Variants in LAMA2 observed in about 807,000 individuals in gnomAD.
LAMA2 encodes laminin subunit alpha 2.
In LAMA2, 269 loss-of-function variants were observed where a neutral mutation model predicts 364.8. The ratio of observed to expected loss-of-function variants is 0.74; its 90% CI spans 0.67 to 0.82. The LOEUF (loss-of-function observed/expected upper bound fraction) is 0.82, where lower values mean the gene tolerates loss of function less well. Ranked by LOEUF, LAMA2 falls within the 40% of genes least tolerant of loss-of-function variation. The probability of loss-of-function intolerance (pLI) is 0.00; values close to 1 mark genes in which losing one functional copy is unlikely to be tolerated. For missense variants in LAMA2, 3,807 were observed against 3,873.2 expected, an observed-to-expected ratio of 0.98 and a Z score of 0.45; for synonymous variants, 1,379 against 1,370.6, an observed-to-expected ratio of 1.01 and a Z score of -0.14.
In LAMA2 at chr6:129,506,871, T is replaced by G. The variant is rs188221931; in HGVS notation, c.8704-618T>G. 1.7e-3 allele frequency among the ~76,000 whole-genome samples: 263 copies of G among 152,308 alleles called. 1 individual carries two copies. Among genetic ancestry groups the G allele is most frequent in the Middle Eastern group, 0.014 (4 of 294 alleles). ...AAAACTAAAGTCTCTGAAGTGACAC[T>G]GGTACAAGCAATTCACTTGAATTTC... On this transcript the variant is annotated intron_variant, in intron 61 of 64. Transcript: ENST00000421865.
At chr6:129,406,246 A>G (rs191355311) in intron 40 of LAMA2, among the ~76,000 whole-genome samples, 1 of 152,332 alleles carries the variant, frequency 6.6e-6, no homozygotes, top group Non-Finnish European at 1.5e-5. Context: ...AAAGGAAAAT[A>G]TGAGTGAGAA....
intron 11 of LAMA2, among the ~76,000 whole-genome samples, chr6:129,191,501 A>G (rs1289703885): frequency 1.3e-5 from 2 of 152,212 alleles, no homozygotes; most frequent in African/African-American, 4.8e-5. Flanking sequence ...TCAAAGTTTC[A>G]TAGCCAGCCA....
In LAMA2 at chr6:129,103,335, A is replaced by G. The variant is rs148438417; in HGVS notation, c.639+4920A>G. On this transcript the variant is annotated intron_variant, in intron 4 of 64. Transcript: ENST00000421865. ...TATGTTAAGTTTACACACATGTATGAAGATTATAGAGAATCCTCACATTCC... is the reference window on the plus strand; with the variant it reads ...TATGTTAAGTTTACACACATGTATGGAGATTATAGAGAATCCTCACATTCC... Among the ~76,000 whole-genome samples, 502 of 152,326 alleles carry G rather than the reference A, an allele frequency of 3.3e-3. 2 individuals carry two copies. Among genetic ancestry groups the G allele is most frequent in the African/African-American group, 0.012 (487 of 41,564 alleles).
intron 1 of LAMA2, among the ~76,000 whole-genome samples, chr6:128,903,321 G>A (rs933718232): frequency 3.3e-5 from 5 of 152,034 alleles, no homozygotes; most frequent in South Asian, 2.1e-4. Context: ...TTCCAGAATC[G>A]TTGACATTTA....
intron 1 of LAMA2, among the ~76,000 whole-genome samples, chr6:128,911,017 G>A (rs1028534780): frequency 7.3e-5 from 11 of 151,300 alleles, no homozygotes; most frequent in Non-Finnish European, 1.2e-4. Flanking sequence ...GCTGCGTACT[G>A]GGAGAACCAC....
intron 1 of LAMA2, among the ~76,000 whole-genome samples, chr6:129,034,677 C>G (rs900205606): frequency 7.9e-5 from 12 of 152,032 alleles, no homozygotes; most frequent in African/African-American, 2.7e-4. Context: ...ATCTTTGTTT[C>G]CATGTGTATC....
At position 129,134,202 on chromosome 6, in the gene LAMA2, G is replaced by A. The variant is rs114519688; in HGVS notation, c.640-9699G>A. Among the ~76,000 whole-genome samples the A allele has an allele frequency of 3.0e-3, 458 of 152,202 alleles. 3 individuals are homozygous for A. Among genetic ancestry groups the A allele is most frequent in the African/African-American group, 0.01 (435 of 41,538 alleles). ...ACTCTCAGTTACTTTGTTTTCTATCGGAACTTTCTCTAGCAGCTCTCCACA... is the reference window on the plus strand; with the variant it reads ...ACTCTCAGTTACTTTGTTTTCTATCAGAACTTTCTCTAGCAGCTCTCCACA... On this transcript the variant is annotated intron_variant, in intron 4 of 64. Coordinates refer to ENST00000421865, the MANE Select transcript of LAMA2 (RefSeq NM_000426.4).
intron 8 of LAMA2, among the ~76,000 whole-genome samples, chr6:129,164,974 T>A (rs1158130761): frequency 1.3e-5 from 2 of 152,154 alleles, no homozygotes; most frequent in Non-Finnish European, 2.9e-5. Context: ...AACTTCATAA[T>A]GGGGGAATGA....
intron 22 of LAMA2, among the ~76,000 whole-genome samples, chr6:129,306,925 A>C (rs898518562): frequency 2.0e-5 from 3 of 151,964 alleles, no homozygotes; most frequent in Admixed American, 1.3e-4. Flanking sequence ...CATCTTTTTT[A>C]TTGCAGGACT....
At chr6:129,166,915 G>A (rs143585181) in intron 9 of LAMA2, among the ~76,000 whole-genome samples, 418 of 152,098 alleles carry the variant, frequency 2.7e-3, no homozygotes, top group African/African-American at 9.8e-3. Flanking sequence ...TTATATGGTC[G>A]TGCCATAATT....
intron 4 of LAMA2, among the ~76,000 whole-genome samples, chr6:129,115,992 T>A (rs1235472766): frequency 1.3e-5 from 2 of 152,120 alleles, no homozygotes; most frequent in Non-Finnish European, 2.9e-5. Context: ...AATTAGCAAT[T>A]TGGGATTTGC....
At chr6:129,005,128 C>T (rs1784363398) in intron 1 of LAMA2, among the ~76,000 whole-genome samples, 1 of 150,754 alleles carries the variant, frequency 6.6e-6, no homozygotes, top group South Asian at 2.1e-4. Flanking sequence ...TTACTGTCCT[C>T]TTTTTTTTTC....
At position 129,440,870 on chromosome 6, in the gene LAMA2, C is replaced by T. The variant is rs112487709; in HGVS notation, c.6140C>T (p.Thr2047Ile). ...GACAAAGCCAGACAAGCCAACGACACAGCTAAAGATGTACTGGCACAGATT... is the reference window on the plus strand; with the variant it reads ...GACAAAGCCAGACAAGCCAACGACATAGCTAAAGATGTACTGGCACAGATT... ...VKDKARQAND[T>I]AKDVLAQITE... The change falls in exon 43 of 65, where the codon ACA becomes ATA. Residue 2047 changes from threonine (T) to isoleucine (I), a missense_variant. Physicochemically the swap from Thr to Ile is moderately conservative, Grantham distance 89. Around this residue, in one of 3 missense-constraint regions of LAMA2, gnomAD observed 3,333 missense variants for 3,345.7 expected, o/e 1.00. Transcript: ENST00000421865. 6.2e-7 allele frequency: 1 copy of T among 1,613,958 alleles called. No homozygotes were observed. Among genetic ancestry groups the T allele is most frequent in the Non-Finnish European group, 8.5e-7 (1 of 1,179,880 alleles).
chr6:128,968,490 G>C (rs1418000120), intron 1 of LAMA2, among the ~76,000 whole-genome samples: 1 of 152,180 alleles, frequency 6.6e-6, no homozygotes, highest in African/African-American at 2.4e-5. Context: ...CTAAGGATGG[G>C]AAGAAATGAA....
intron 14 of LAMA2, among the ~76,000 whole-genome samples, chr6:129,255,632 C>A: frequency 6.6e-6 from 1 of 151,954 alleles, no homozygotes; most frequent in South Asian, 2.1e-4. Context: ...AATACAGAAT[C>A]TTTTCAAGGC....
At chr6:129,103,678 A>T (rs1312578664) in intron 4 of LAMA2, among the ~76,000 whole-genome samples, 1 of 152,120 alleles carries the variant, frequency 6.6e-6, no homozygotes, top group African/African-American at 2.4e-5. Context: ...GATTTTGGGA[A>T]CCAATACTAC....
intron 1 of LAMA2, among the ~76,000 whole-genome samples, chr6:128,986,126 G>A (rs747984525): frequency 1.3e-5 from 2 of 151,864 alleles, no homozygotes; most frequent in African/African-American, 4.8e-5. Context: ...GATATGTTTC[G>A]ATTCATTGCA....
rs748820968 is a variant in LAMA2, at chr6:129,491,959, C to G, written c.7957C>G (p.Gln2653Glu). The G allele has an allele frequency of 6.2e-7, 1 of 1,613,812 alleles. No individual in the cohort carries two copies. Among genetic ancestry groups the G allele is most frequent in the Non-Finnish European group, 8.5e-7 (1 of 1,179,728 alleles). The change falls in exon 57 of 65, where the codon CAG becomes GAG. Residue 2653 changes from glutamine (Q) to glutamate (E), a missense_variant. Gln to Glu is a conservative substitution (Grantham distance 29, BLOSUM62 2). Transcript: ENST00000421865. ...RRYMQNLTVE[Q>E]PIEVKKLFVG... is the part of the protein sequence containing the mutation. Reference sequence around the variant, plus strand: ...ATACATGCAAAACCTGACAGTTGAACAGCCTATCGAAGTTAAAAAGCTTTT... The same window carrying G: ...ATACATGCAAAACCTGACAGTTGAAGAGCCTATCGAAGTTAAAAAGCTTTT...
At chr6:128,895,355 GGGCGCGGTGGC>G (rs768088216) in intron 1 of LAMA2, among the ~76,000 whole-genome samples, 6 of 151,864 alleles carry the variant, frequency 4.0e-5, no homozygotes, top group Non-Finnish European at 7.4e-5. Context: ...ACTCATGGCG[GGGCGCGGTGGC>G]TCACGCCTGT....
Sources: allele counts gnomAD v4.1 joint callset (sites outside exome capture counted in the v4.1 genomes callset), GRCh38; gene constraint gnomAD v4.1.1; regional missense constraint gnomAD v4.1.1; transcripts MANE v1.5; gene names NCBI Gene and HGNC (gene_info 2026-07-23, HGNC 2026-07-21).